The following SOX6 variants were observed in gnomAD, a reference collection of about 807,000 sequenced individuals.
The protein encoded by SOX6 is SRY-box transcription factor 6.
In SOX6, 11 loss-of-function variants were observed where a neutral mutation model predicts 97.8. The observed-to-expected ratio is 0.11, with a 90% CI of 0.07 to 0.19. The LOEUF (loss-of-function observed/expected upper bound fraction) is 0.19. Among genes scored for constraint, SOX6 ranks in the 10% least tolerant of loss-of-function variants. The pLI is 1.00. For synonymous variants in SOX6, 360 were observed against 371.4 expected (o/e 0.97, Z 0.35); for missense variants, 810 against 1,039.5 (o/e 0.78, Z 3.04).
rs75000722 is a variant in SOX6, at chr11:16,584,058, C to A, written n.609+28023G>T. Among the ~76,000 whole-genome samples the A allele has an allele frequency of 8.8e-3, 1,342 of 152,218 alleles. 17 individuals carry two copies. The highest frequency in any genetic ancestry group is 0.031 in the African/African-American group (1,283 of 41,538). Reference sequence around the variant, plus strand: ...ACTTTAGCCAAGTTATCCAAGCATTCTTTCATTCTAAGTACCTATTAGGTG... The same window carrying A: ...ACTTTAGCCAAGTTATCCAAGCATTATTTCATTCTAAGTACCTATTAGGTG... On this transcript the variant is annotated intron_variant and non_coding_transcript_variant, in intron 4 of 5. Coordinates refer to the SOX6 transcript ENST00000524520.
At chr11:16,201,270 G>C (rs2134127678) in intron 4 of SOX6, among the ~76,000 whole-genome samples, 1 of 152,200 alleles carries the variant, frequency 6.6e-6, no homozygotes, top group African/African-American at 2.4e-5. Flanking sequence ...AGGTAAGCCA[G>C]GATATATGAA....
intron 2 of SOX6, among the ~76,000 whole-genome samples, chr11:16,716,982 T>C (rs1336158995): frequency 6.6e-6 from 1 of 152,172 alleles, no homozygotes; most frequent in Non-Finnish European, 1.5e-5. Flanking sequence ...TATATAGATA[T>C]GTTCATTTTG....
intron 15 of SOX6, among the ~76,000 whole-genome samples, chr11:15,973,388 G>A (rs1466223219): frequency 6.6e-6 from 1 of 152,142 alleles, no homozygotes; most frequent in Non-Finnish European, 1.5e-5. Context: ...ATATGGCAAA[G>A]TTTGGATAAC....
At chr11:16,256,137 G>A (rs994850225) in intron 3 of SOX6, among the ~76,000 whole-genome samples, 3 of 151,910 alleles carry the variant, frequency 2.0e-5, no homozygotes, top group African/African-American at 7.2e-5. Flanking sequence ...AATAAATGAT[G>A]CCAATTCTAT....
At chr11:16,201,277 T>C (rs565721464) in intron 4 of SOX6, among the ~76,000 whole-genome samples, 41 of 152,260 alleles carry the variant, frequency 2.7e-4, no homozygotes, top group Admixed American at 6.5e-4. Context: ...CCAGGATATA[T>C]GAATACACAA....
In SOX6 at chr11:16,111,778, G is replaced by C. The variant is rs184080907; in HGVS notation, c.898+25C>G. On this transcript the variant is annotated intron_variant, in intron 7 of 15. Transcript: ENST00000683767. ...CATGCAGATCTGAGCATTTGGAAAA[G>C]AATGTTAAATCCCTCTCTACTTACC... 7 of 1,612,680 alleles carry C rather than the reference G, an allele frequency of 4.3e-6. No homozygotes were observed. The African/African-American group carries it at 9.3e-5, about 22-fold the overall frequency.
chr11:16,120,847 A>G (rs1849471888), intron 6 of SOX6, among the ~76,000 whole-genome samples: 1 of 152,106 alleles, frequency 6.6e-6, no homozygotes, highest in African/African-American at 2.4e-5. Context: ...TTTAAAATCT[A>G]CTTCACAGTC....
At chr11:16,067,489 C>G (rs1848120111) in intron 9 of SOX6, among the ~76,000 whole-genome samples, 1 of 152,140 alleles carries the variant, frequency 6.6e-6, no homozygotes, top group African/African-American at 2.4e-5. Flanking sequence ...TTTGCTCCTC[C>G]TTCACCTTCT....
At chr11:16,413,451 G>A (rs910439335) in intron 1 of SOX6, among the ~76,000 whole-genome samples, 22 of 151,692 alleles carry the variant, frequency 1.5e-4, no homozygotes, top group African/African-American at 4.4e-4. Flanking sequence ...CATGAATGAG[G>A]GAATGAGGAT....
intron 3 of SOX6, among the ~76,000 whole-genome samples, chr11:16,237,206 A>G (rs534474996): frequency 6.6e-6 from 1 of 152,064 alleles, no homozygotes; most frequent in African/African-American, 2.4e-5. Flanking sequence ...CTGACTGCCA[A>G]ACCTCTAGAG....
At chr11:16,262,617 C>T (rs1853937866) in intron 3 of SOX6, among the ~76,000 whole-genome samples, 1 of 152,048 alleles carries the variant, frequency 6.6e-6, no homozygotes, top group Admixed American at 6.6e-5. Flanking sequence ...TGTAGCTGTG[C>T]TATCCTTAGA....
intron 1 of SOX6, among the ~76,000 whole-genome samples, chr11:16,411,999 TA>T (rs1477345407): frequency 2.0e-5 from 3 of 152,212 alleles, no homozygotes; most frequent in African/African-American, 7.2e-5. Context: ...GTGTATCTAA[TA>T]AAAGTATCAA....
intron 4 of SOX6, among the ~76,000 whole-genome samples, chr11:16,563,499 A>G (rs1270324613): frequency 2.6e-5 from 4 of 152,180 alleles, no homozygotes; most frequent in African/African-American, 4.8e-5. Context: ...GAAGGGCTCA[A>G]TTGTAGAATG....
chr11:16,438,703 GAA>G (rs11329357), intron 1 of SOX6, among the ~76,000 whole-genome samples: 13 of 144,558 alleles, frequency 9.0e-5, no homozygotes, highest in South Asian at 2.2e-4. Context: ...CAATATCAGT[GAA>G]AAAAAAAAAA....
chr11:16,620,592 T>G (rs1848532323), intron 3 of SOX6, among the ~76,000 whole-genome samples: 1 of 152,174 alleles, frequency 6.6e-6, no homozygotes, highest in Non-Finnish European at 1.5e-5. Context: ...AAGTACAAGA[T>G]GTATTCAAGG....
chr11:16,474,943 T>C (rs1274330389), intron 1 of SOX6, among the ~76,000 whole-genome samples: 1 of 152,236 alleles, frequency 6.6e-6, no homozygotes, highest in African/African-American at 2.4e-5. Context: ...CTAGATCTTC[T>C]GGATAACTTG....
At chr11:16,364,315 GT>G (rs973390398) in intron 1 of SOX6, among the ~76,000 whole-genome samples, 1 of 151,978 alleles carries the variant, frequency 6.6e-6, no homozygotes, top group African/African-American at 2.4e-5. Context: ...TTCCAATTAG[GT>G]TTTTCCAAAA....
chr11:16,243,016 C>A (rs1380298620), intron 3 of SOX6, among the ~76,000 whole-genome samples: 1 of 151,914 alleles, frequency 6.6e-6, no homozygotes, highest in Non-Finnish European at 1.5e-5. Flanking sequence ...TTGATCACCA[C>A]ATCCTCCTGA....
At chr11:16,326,728 G>A (rs297350) in intron 2 of SOX6, among the ~76,000 whole-genome samples, 7,516 of 152,178 alleles carry the variant, frequency 0.049, 607 homozygotes, top group African/African-American at 0.17. Flanking sequence ...AAAACAAAGT[G>A]CTTAAAACAA....
Sources: gnomAD v4.1 joint callset for allele counts (sites outside exome capture counted in the v4.1 genomes callset) on GRCh38, gnomAD v4.1.1 for gene constraint, MANE v1.5 for transcripts, NCBI Gene and HGNC (gene_info 2026-07-23, HGNC 2026-07-21) for gene names.